Variants in NETO1 observed in about 807,000 individuals in gnomAD.
NETO1 encodes the protein neuropilin and tolloid like 1.
A neutral mutation model predicts 61.3 loss-of-function variants in NETO1; 26 were observed. That is an observed-to-expected ratio of 0.42 (90% confidence interval 0.31 to 0.59). NETO1 has a LOEUF of 0.59. NETO1 is among the 20% of genes least tolerant of loss of function. The probability of loss-of-function intolerance (pLI) is 0.12; values close to 1 mark genes in which losing one functional copy is unlikely to be tolerated. For missense variants in NETO1, 531 were observed against 662.8 expected (o/e 0.80, Z 2.18); for synonymous variants, 225 against 225.8 (o/e 1.00, Z 0.03).
intron 4 of NETO1, chr18:72,834,756 T>C: frequency 1.0e-6 from 1 of 985,042 alleles, no homozygotes; most frequent in Non-Finnish European, 1.2e-6. Flanking sequence ...ATGTGTTAAA[T>C]ACATGTTAAT....
chr18:72,777,295 G>A (rs2145203463), intron 7 of NETO1, among the ~76,000 whole-genome samples: 1 of 152,150 alleles, frequency 6.6e-6, no homozygotes, highest in Middle Eastern at 3.4e-3. Flanking sequence ...GTGTATGCCT[G>A]AAATCTCAGC....
intron 4 of NETO1, among the ~76,000 whole-genome samples, chr18:72,837,455 C>T (rs1258035160): frequency 2.0e-5 from 3 of 152,078 alleles, no homozygotes; most frequent in Non-Finnish European, 2.9e-5. Context: ...GTGACTAAAC[C>T]TAATTAATCA....
At chr18:72,865,086 T>A in intron 2 of NETO1, 102 bp downstream of exon 2, 1 of 1,397,226 alleles carries the variant, frequency 7.2e-7, no homozygotes, top group East Asian at 2.4e-5. Flanking sequence ...TTATACATAT[T>A]ATAACAGGTT....
intron 7 of NETO1, among the ~76,000 whole-genome samples, chr18:72,767,537 G>A (rs2071207219): frequency 1.3e-5 from 2 of 152,106 alleles, no homozygotes; most frequent in Admixed American, 1.3e-4. Context: ...AATTACTTAA[G>A]AAAATTAACT....
intron 1 of NETO1, chr18:72,865,625 T>G (rs777752709): frequency 1.3e-6 from 2 of 1,597,680 alleles, no homozygotes; most frequent in Non-Finnish European, 1.7e-6. Context: ...GGCCAGAAGG[T>G]AAAAAGGAGG....
At chr18:72,820,803 A>G (rs2073168563) in intron 4 of NETO1, among the ~76,000 whole-genome samples, 2 of 152,150 alleles carry the variant, frequency 1.3e-5, no homozygotes, top group African/African-American at 4.8e-5. Context: ...CTTCGGACTC[A>G]AACTGAAAAA....
intron 6 of NETO1, among the ~76,000 whole-genome samples, chr18:72,793,048 C>A (rs2072180538): frequency 2.6e-5 from 4 of 152,138 alleles, no homozygotes; most frequent in African/African-American, 4.8e-5. Context: ...ATGATCTAAC[C>A]TTACTGCTTA....
At chr18:72,777,319 G>A (rs2071580314) in intron 7 of NETO1, among the ~76,000 whole-genome samples, 1 of 151,896 alleles carries the variant, frequency 6.6e-6, no homozygotes, top group Non-Finnish European at 1.5e-5. Flanking sequence ...TTGGGAGGCT[G>A]AGGCAGGAGA....
intron 4 of NETO1, among the ~76,000 whole-genome samples, chr18:72,795,668 C>G (rs950353319): frequency 6.6e-6 from 1 of 151,904 alleles, no homozygotes; most frequent in East Asian, 1.9e-4. Flanking sequence ...TGATACGTGA[C>G]GTTTTGATAT....
Position 72,776,067 on chromosome 18 carries a change from A to G in NETO1, c.868+7611T>C, listed in dbSNP as rs190338162. On this transcript the variant is annotated intron_variant, in intron 7 of 10. Coordinates refer to ENST00000327305, the MANE Select transcript of NETO1 (RefSeq NM_138966.5). ...CCAAAAAAACAAAAAATAAAAAAAG[A>G]CGTATGTAGCTCAGAGTTCTACAGG... Among the ~76,000 whole-genome samples, 323 of 152,272 alleles carry G rather than the reference A, an allele frequency of 2.1e-3. 2 individuals are homozygous for G. Among genetic ancestry groups the G allele is most frequent in the African/African-American group, 7.4e-3 (306 of 41,550 alleles).
chr18:72,780,490 C>T (rs1435845745), intron 7 of NETO1, among the ~76,000 whole-genome samples: 2 of 152,276 alleles, frequency 1.3e-5, no homozygotes, highest in South Asian at 4.1e-4. Context: ...ACTCATAGAG[C>T]TTAATCTATT....
At position 72,796,469 on chromosome 18, in the gene NETO1, T is replaced by C. The variant is rs1479313605; in HGVS notation, c.470-2065A>G. 2.6e-5 allele frequency among the ~76,000 whole-genome samples: 4 copies of C among 152,220 alleles called. No individual in the cohort carries two copies. The East Asian group carries it at 5.8e-4, about 22-fold the overall frequency. ...TTACAGATGCCTTTGCAAAGCTGTT[T>C]TTAAAATAGATTTTTTTTGTTTGTT... On this transcript the variant is annotated intron_variant, in intron 4 of 10. Transcript: ENST00000327305.
chr18:72,826,233 C>T (rs372721164), intron 4 of NETO1, among the ~76,000 whole-genome samples: 10 of 152,064 alleles, frequency 6.6e-5, no homozygotes, highest in Admixed American at 1.3e-4. Context: ...ATCACCATTA[C>T]GCAGTTACTC....
At chr18:72,865,810 C>T (rs1315658700) in intron 1 of NETO1, 7 of 1,009,282 alleles carry the variant, frequency 6.9e-6, no homozygotes, top group Admixed American at 3.0e-5. Flanking sequence ...TGGAATGTTG[C>T]CTACAAAAAT....
intron 4 of NETO1, among the ~76,000 whole-genome samples, chr18:72,849,155 T>C (rs2074177029): frequency 1.3e-5 from 2 of 152,218 alleles, no homozygotes; most frequent in East Asian, 1.9e-4. Flanking sequence ...GCTTTTCCAA[T>C]CTCATCCAAG....
chr18:72,799,919 T>G (rs1366831017), intron 4 of NETO1, among the ~76,000 whole-genome samples: 1 of 152,220 alleles, frequency 6.6e-6, no homozygotes, highest in African/African-American at 2.4e-5. Context: ...CTCAACAAAC[T>G]CAATCTGTCA....
At chr18:72,780,834 C>T (rs1281095369) in intron 7 of NETO1, among the ~76,000 whole-genome samples, 1 of 152,184 alleles carries the variant, frequency 6.6e-6, no homozygotes, top group African/African-American at 2.4e-5. Flanking sequence ...TTTGGCATTA[C>T]ATCTTTGTCA....
At chr18:72,802,158 T>TAA (rs59199203) in intron 4 of NETO1, among the ~76,000 whole-genome samples, 20 of 134,136 alleles carry the variant, frequency 1.5e-4, no homozygotes, top group Admixed American at 1.1e-3. Context: ...ATAAGAATTC[T>TAA]AAAAAAAAAA....
intron 3 of NETO1, among the ~76,000 whole-genome samples, chr18:72,862,484 A>T (rs1178970310): frequency 6.6e-6 from 1 of 151,770 alleles, no homozygotes; most frequent in Non-Finnish European, 1.5e-5. Context: ...CTTTAAACCA[A>T]TTTTTCCCGT....
Sources: gnomAD v4.1 joint callset for allele counts (sites outside exome capture counted in the v4.1 genomes callset) on GRCh38, gnomAD v4.1.1 for gene constraint, MANE v1.5 for transcripts, NCBI Gene and HGNC (gene_info 2026-07-23, HGNC 2026-07-21) for gene names.